GRM8: variants seen among roughly 807,000 people sequenced by gnomAD.
GRM8 encodes glutamate metabotropic receptor 8.
A neutral mutation model predicts 87.2 loss-of-function variants in GRM8; 47 were observed. The observed-to-expected ratio is 0.54, with a 90% CI of 0.43 to 0.69. The LOEUF (loss-of-function observed/expected upper bound fraction) is 0.69, where lower values mean the gene tolerates loss of function less well. Ranked by LOEUF, GRM8 falls within the 30% of genes least tolerant of loss-of-function variation. The pLI is 0.00. For missense variants in GRM8, 1,019 were observed against 1,139.2 expected, an observed-to-expected ratio of 0.89 and a Z score of 1.52; for synonymous variants, 396 against 404.5, an observed-to-expected ratio of 0.98 and a Z score of 0.25.
intron 9 of GRM8, among the ~76,000 whole-genome samples, chr7:126,474,517 G>A (rs1054537480): frequency 3.3e-5 from 5 of 152,082 alleles, no homozygotes; most frequent in African/African-American, 1.2e-4. Context: ...AATCTGCCTG[G>A]GATCCCAAAG....
rs752251482 is a variant in GRM8 at position 127,242,781 on chromosome 7, T to C, written c.424A>G (p.Thr142Ala). 1 of 1,614,168 alleles carries C rather than the reference T, an allele frequency of 6.2e-7. No individual in the cohort carries two copies. The highest frequency in any genetic ancestry group is 8.5e-7 in the Non-Finnish European group (1 of 1,180,010). ...KCANGDPPIFTKPDKISGVIG... is the reference protein window; with the variant it reads ...KCANGDPPIFAKPDKISGVIG... ...ACGCCAGAAATCTTGTCGGGCTTGG[T>C]GAAAATGGGTGGATCTCCATTAGCA... Residue 142 changes from threonine (T) to alanine (A), a missense_variant, in exon 2 of 11, where the codon ACC (threonine) becomes GCC (alanine). Physicochemically the swap from Thr to Ala is moderately conservative, Grantham distance 58 (BLOSUM62 0). Coordinates refer to ENST00000339582, the MANE Select transcript of GRM8 (RefSeq NM_000845.3).
chr7:127,010,535 A>AT (rs1025750102), intron 3 of GRM8, among the ~76,000 whole-genome samples: 5 of 152,152 alleles, frequency 3.3e-5, no homozygotes, highest in African/African-American at 1.2e-4. Flanking sequence ...AAAACCATCT[A>AT]TTTGAACAAA....
intron 7 of GRM8, among the ~76,000 whole-genome samples, chr7:126,691,077 T>C (rs1385550277): frequency 6.6e-6 from 1 of 152,192 alleles, no homozygotes; most frequent in Non-Finnish European, 1.5e-5. Flanking sequence ...CTGCCTCCCA[T>C]TGTCATTAAC....
intron 2 of GRM8, among the ~76,000 whole-genome samples, chr7:127,236,972 G>A (rs534241245): frequency 8.5e-5 from 13 of 152,286 alleles, no homozygotes; most frequent in Admixed American, 5.2e-4. Context: ...AGACATTAAG[G>A]AGAGGAAGCA....
intron 6 of GRM8, among the ~76,000 whole-genome samples, chr7:126,852,944 G>T (rs1399614565): frequency 6.6e-6 from 1 of 151,992 alleles, no homozygotes; most frequent in Non-Finnish European, 1.5e-5. Flanking sequence ...ATTTAGTTTT[G>T]TTCAAATGAC....
At chr7:126,647,300 T>C (rs1396937348) in intron 7 of GRM8, among the ~76,000 whole-genome samples, 1 of 47,404 alleles carries the variant, frequency 2.1e-5, no homozygotes, top group Non-Finnish European at 4.6e-5. Flanking sequence ...GATGGATAGA[T>C]AGATAGATAG....
chr7:127,069,544 C>T (rs1262311618), intron 3 of GRM8, among the ~76,000 whole-genome samples: 6 of 152,052 alleles, frequency 3.9e-5, no homozygotes, highest in East Asian at 1.9e-4. Flanking sequence ...CAGGGATTCA[C>T]GAGTATGACT....
chr7:126,798,138 A>C (rs1822191441), intron 6 of GRM8, among the ~76,000 whole-genome samples: 1 of 148,790 alleles, frequency 6.7e-6, no homozygotes, highest in South Asian at 2.1e-4. Flanking sequence ...CTTGTCTTCC[A>C]TTATATTGGG....
At chr7:127,031,869 T>TC (rs1817406082) in intron 3 of GRM8, among the ~76,000 whole-genome samples, 1 of 152,092 alleles carries the variant, frequency 6.6e-6, no homozygotes, top group Non-Finnish European at 1.5e-5. Context: ...GGCCAAATCT[T>TC]CACATTCTTT....
At chr7:126,839,425 C>T (rs1796078231) in intron 6 of GRM8, among the ~76,000 whole-genome samples, 1 of 152,148 alleles carries the variant, frequency 6.6e-6, no homozygotes, top group Non-Finnish European at 1.5e-5. Flanking sequence ...TGGAATCACT[C>T]AGACTCAAAC....
rs182535665 is a variant in GRM8 at position 126,907,625 on chromosome 7, G to A, written c.728-2942C>T. ...TGTGTGTGGCTCTGCAGGGCCTGTG[G>A]AAGACTATGAATAATTAAATGCTTA... is the stretch of plus-strand genomic sequence containing the variant. On this transcript the variant is annotated intron_variant, in intron 3 of 10. Transcript: ENST00000339582. 1.4e-4 allele frequency among the ~76,000 whole-genome samples: 21 copies of A among 152,178 alleles called. No individual in the cohort carries two copies. In the East Asian group the frequency reaches 3.5e-3, roughly 25 times the overall value.
intron 9 of GRM8, among the ~76,000 whole-genome samples, chr7:126,509,877 G>C (rs1054679151): frequency 6.6e-6 from 1 of 151,998 alleles, no homozygotes; most frequent in Admixed American, 6.6e-5. Flanking sequence ...GATGATAACA[G>C]GTGAGAAATA....
At position 127,152,668 on chromosome 7, in the gene GRM8, A is replaced by G. The variant is rs529016994; in HGVS notation, c.511-45956T>C. Among the ~76,000 whole-genome samples, 10 of 152,200 alleles carry G rather than the reference A, an allele frequency of 6.6e-5. No individual in the cohort carries two copies. The East Asian group carries it at 1.5e-3, about 24-fold the overall frequency. On this transcript the variant is annotated intron_variant, in intron 2 of 10. Coordinates refer to ENST00000339582, the MANE Select transcript of GRM8 (RefSeq NM_000845.3). ...GTCCTTAGGTGACTCTTCCTTTGCC[A>G]ATTTGTTTTGAGCTCTCTTTATACA...
chr7:126,561,690 T>C (rs1316451558), intron 8 of GRM8, among the ~76,000 whole-genome samples: 1 of 151,880 alleles, frequency 6.6e-6, no homozygotes, highest in Non-Finnish European at 1.5e-5. Flanking sequence ...GTTTGTTACA[T>C]ATGTATACAT....
At chr7:127,216,819 C>T (rs1293733113) in intron 2 of GRM8, among the ~76,000 whole-genome samples, 1 of 152,120 alleles carries the variant, frequency 6.6e-6, no homozygotes, top group African/African-American at 2.4e-5. Flanking sequence ...ACATATTCTT[C>T]CTCCCACCTA....
intron 8 of GRM8, among the ~76,000 whole-genome samples, chr7:126,544,566 G>A (rs1163571539): frequency 6.6e-6 from 1 of 151,992 alleles, no homozygotes; most frequent in African/African-American, 2.4e-5. Flanking sequence ...GCTGGAATGA[G>A]GTGACACGAT....
intron 7 of GRM8, among the ~76,000 whole-genome samples, chr7:126,668,991 A>G (rs912671585): frequency 3.9e-5 from 6 of 152,256 alleles, no homozygotes; most frequent in African/African-American, 1.4e-4. Flanking sequence ...GCAGCCATAA[A>G]AAAGAATGAC....
intron 7 of GRM8, among the ~76,000 whole-genome samples, chr7:126,689,828 G>C (rs947756548): frequency 1.3e-5 from 2 of 152,084 alleles, no homozygotes; most frequent in Admixed American, 1.3e-4. Context: ...ATGACCATGG[G>C]TAAAATTGTT....
At chr7:127,168,719 G>C (rs556673171) in intron 2 of GRM8, among the ~76,000 whole-genome samples, 2 of 151,368 alleles carry the variant, frequency 1.3e-5, no homozygotes, top group African/African-American at 4.9e-5. Context: ...GGACATGGAT[G>C]AAGCTGGAGA....
Sources: gnomAD v4.1 joint callset for allele counts (sites outside exome capture counted in the v4.1 genomes callset) on GRCh38, gnomAD v4.1.1 for gene constraint, MANE v1.5 for transcripts, NCBI Gene and HGNC (gene_info 2026-07-23, HGNC 2026-07-21) for gene names.